PRDX3: variants seen among roughly 807,000 people sequenced by gnomAD.
PRDX3 encodes thioredoxin-dependent peroxide reductase, mitochondrial.
PRDX3 carries 20 observed loss-of-function variants against 30.4 expected under a neutral mutation model. The ratio of observed to expected loss-of-function variants is 0.66; its 90% CI spans 0.46 to 0.96. The LOEUF (loss-of-function observed/expected upper bound fraction) is 0.96, where lower values mean the gene tolerates loss of function less well. Among genes scored for constraint, PRDX3 ranks in the 40% least tolerant of loss-of-function variants. The pLI, the probability that PRDX3 is intolerant of heterozygous loss-of-function variation, is 0.00. For missense variants in PRDX3, 322 were observed against 318.3 expected (o/e 1.01, Z -0.09); for synonymous variants, 124 against 117.8 (o/e 1.05, Z -0.34).
At position 119,169,352 on chromosome 10, in the gene PRDX3, C is replaced by A. The variant is rs758264169; in HGVS notation, c.552-10G>T. 2 of 1,611,164 alleles carry A rather than the reference C, an allele frequency of 1.2e-6. No individual in the cohort carries two copies. Among genetic ancestry groups the A allele is most frequent in the South Asian group, 2.2e-5 (2 of 90,758 alleles). On this transcript the variant is annotated splice_polypyrimidine_tract_variant and intron_variant, in intron 5 of 6. Transcript: ENST00000298510. Reference sequence around the variant, plus strand: ...AATTATGAAGAGACCTCTGCATGATCATTTATCCTCATCAGTGCCTCAACA... The same window carrying A: ...AATTATGAAGAGACCTCTGCATGATAATTTATCCTCATCAGTGCCTCAACA...
chr10:119,168,349 A>G lies in PRDX3; in HGVS notation c.*131T>C. 7 of 1,493,000 alleles carry G rather than the reference A, an allele frequency of 4.7e-6. No homozygotes were observed. The highest frequency in any genetic ancestry group is 6.2e-6 in the Non-Finnish European group (7 of 1,127,408). The allele number at this position is 1,493,000 out of a possible 1,614,324, so 92.5% of individuals were successfully genotyped here. ...CCAGAATTACAAAAACAAAACATTT[A>G]GAGTAATACTTATGAATACAAGCAT... On this transcript the variant is annotated 3_prime_UTR_variant, in exon 7 of 7. Coordinates refer to ENST00000298510, the MANE Select transcript of PRDX3 (RefSeq NM_006793.5).
At chr10:119,177,881 CT>C (rs141498625) in intron 1 of PRDX3, among the ~76,000 whole-genome samples, 22 of 134,674 alleles carry the variant, frequency 1.6e-4, no homozygotes, top group Admixed American at 3.9e-4. Flanking sequence ...GTTTACTCAA[CT>C]TTTTTTTTTT....
intron 5 of PRDX3, chr10:119,169,737 A>AT (rs1847861360): frequency 6.4e-6 from 1 of 155,596 alleles, no homozygotes; most frequent in South Asian, 2.0e-4. Context: ...ACAGAGGTGT[A>AT]TTTTATCTAG....
chr10:119,175,184 C>G (rs931198439), intron 2 of PRDX3, among the ~76,000 whole-genome samples: 3 of 152,112 alleles, frequency 2.0e-5, no homozygotes, highest in Admixed American at 2.0e-4. Flanking sequence ...AAATATGGTT[C>G]AGATTTTGTC....
intron 5 of PRDX3, chr10:119,170,169 C>T (rs1426595975): frequency 2.0e-5 from 3 of 152,160 alleles, no homozygotes; most frequent in Non-Finnish European, 2.9e-5. Flanking sequence ...ATTTAACCTA[C>T]AGGTTTTAAC....
At chr10:119,176,437 C>T (rs1290674136) in intron 2 of PRDX3, among the ~76,000 whole-genome samples, 5 of 152,168 alleles carry the variant, frequency 3.3e-5, no homozygotes, top group African/African-American at 9.7e-5. Context: ...ATATTAAATA[C>T]GGGCTTTTTC....
Position 119,169,348 on chromosome 10 carries a change from T to C in PRDX3, c.552-6A>G, listed in dbSNP as rs1364684375. 1.2e-6 allele frequency: 2 copies of C among 1,612,720 alleles called. No individual in the cohort carries two copies. Among genetic ancestry groups the C allele is most frequent in the Admixed American group, 3.3e-5 (2 of 59,876 alleles). On this transcript the variant is annotated splice_polypyrimidine_tract_variant and splice_region_variant and intron_variant, in intron 5 of 6. Transcript: ENST00000298510. The stretch of plus-strand genomic sequence containing the variant: ...GGTCAATTATGAAGAGACCTCTGCA[T>C]GATCATTTATCCTCATCAGTGCCTC...
At chr10:119,172,249 C>A in intron 5 of PRDX3, 133 bp downstream of exon 5, 1 of 741,392 alleles carries the variant, frequency 1.3e-6, no homozygotes, top group Admixed American at 2.2e-5. Flanking sequence ...CGATTACAGG[C>A]ATGAGCCACC....
chr10:119,176,948 A>G, intron 2 of PRDX3, 73 bp downstream of exon 2: 1 of 1,581,792 alleles, frequency 6.3e-7, no homozygotes. Context: ...GCCAGGGTTC[A>G]GAGCCCCTGT....
At chr10:119,176,273 G>C (rs911602012) in intron 2 of PRDX3, among the ~76,000 whole-genome samples, 1 of 152,182 alleles carries the variant, frequency 6.6e-6, no homozygotes, top group Non-Finnish European at 1.5e-5. Context: ...TGGGGATGAG[G>C]ATTCGAAACC....
intron 5 of PRDX3, 112 bp from the exon 6 acceptor site, chr10:119,169,454 T>G: frequency 1.1e-6 from 1 of 922,224 alleles, no homozygotes; most frequent in Non-Finnish European, 1.6e-6. Context: ...TTATTAAGCG[T>G]AATCATATGC....
chr10:119,175,478 C>T lies in PRDX3; in HGVS notation c.170-886G>A, dbSNP rs546397910. On this transcript the variant is annotated intron_variant, in intron 2 of 6. Coordinates refer to ENST00000298510, the MANE Select transcript of PRDX3 (RefSeq NM_006793.5). ...TGGCACAATCTCAGCTCACTGCAAG[C>T]TCTGCCTCCTGGGTTCACGCCATTC... 2.6e-5 allele frequency among the ~76,000 whole-genome samples: 4 copies of T among 152,346 alleles called. No individual in the cohort carries two copies. The South Asian group carries it at 8.3e-4, about 32-fold the overall frequency.
intron 3 of PRDX3, 27 bp downstream of exon 3, chr10:119,174,424 C>T (rs375360839): frequency 8.6e-5 from 136 of 1,582,070 alleles, no homozygotes; most frequent in Admixed American, 5.6e-5. Flanking sequence ...CAGAATGACA[C>T]GAAAGCATCA....
intron 5 of PRDX3, among the ~76,000 whole-genome samples, chr10:119,171,198 G>A (rs940897855): frequency 2.6e-5 from 4 of 151,886 alleles, no homozygotes; most frequent in Admixed American, 6.6e-5. Context: ...CCACCACCAC[G>A]CCCAGCTAAT....
intron 3 of PRDX3, among the ~76,000 whole-genome samples, 199 bp downstream of exon 3, chr10:119,174,252 T>C (rs1847975678): frequency 6.6e-6 from 1 of 152,186 alleles, no homozygotes; most frequent in African/African-American, 2.4e-5. Context: ...TAAAGAAAGC[T>C]GTCCTACCCC....
intron 2 of PRDX3, 78 bp from the exon 3 acceptor site, chr10:119,174,670 A>C (rs1847986257): frequency 7.4e-7 from 1 of 1,354,064 alleles, no homozygotes; most frequent in Admixed American, 2.9e-5. Context: ...AACTTCTCAT[A>C]ATTAATTAGT....
At chr10:119,178,639 A>G in intron 1 of PRDX3, 116 bp downstream of exon 1, 1 of 1,311,310 alleles carries the variant, frequency 7.6e-7, no homozygotes, top group Middle Eastern at 1.8e-4. Flanking sequence ...TACCCGCGGA[A>G]ACCCTCCAAG....
chr10:119,174,317 A>C, intron 3 of PRDX3, 134 bp downstream of exon 3: 4 of 1,123,460 alleles, frequency 3.6e-6, no homozygotes, highest in Non-Finnish European at 5.0e-6. Context: ...GTAATCAACA[A>C]GGCCATCAGT....
At position 119,173,676 on chromosome 10, in the gene PRDX3, AG is replaced by A; in HGVS notation, c.447+60del. ...ATCTTGATAGTCCAGCAGCATAGCTAGAAATTTAGATTCTTCCAAGCAAGTT... is the reference window on the plus strand; with the variant it reads ...ATCTTGATAGTCCAGCAGCATAGCTAAAATTTAGATTCTTCCAAGCAAGTT... On this transcript the variant is annotated intron_variant, in intron 4 of 6. Coordinates refer to ENST00000298510, the MANE Select transcript of PRDX3 (RefSeq NM_006793.5). The A allele has an allele frequency of 5.2e-6, 8 of 1,553,094 alleles. 1 individual carries two copies. The South Asian group carries it at 8.3e-5, about 16-fold the overall frequency.
Sources: allele counts gnomAD v4.1 joint callset (sites outside exome capture counted in the v4.1 genomes callset), GRCh38; gene constraint gnomAD v4.1.1; transcripts MANE v1.5; gene names NCBI Gene and HGNC (gene_info 2026-07-23, HGNC 2026-07-21).